ITFG1: variants seen among roughly 807,000 people sequenced by gnomAD.
The protein encoded by ITFG1 is integrin alpha FG-GAP repeat containing 1.
ITFG1 carries 34 observed loss-of-function variants against 81.8 expected under a neutral mutation model. The observed-to-expected ratio is 0.42, with a 90% CI of 0.32 to 0.55. The LOEUF (loss-of-function observed/expected upper bound fraction) is 0.55. ITFG1 is among the 20% of genes least tolerant of loss of function. ITFG1 has a pLI of 0.17. For missense variants in ITFG1, 672 were observed against 755.4 expected (o/e 0.89, Z 1.29); for synonymous variants, 285 against 270.6 (o/e 1.05, Z -0.52).
intron 14 of ITFG1, among the ~76,000 whole-genome samples, chr16:47,215,924 TA>T (rs1435232240): frequency 6.6e-6 from 1 of 152,222 alleles, no homozygotes; most frequent in Non-Finnish European, 1.5e-5. Flanking sequence ...ATTTTTACCT[TA>T]GATATTTTTT....
At chr16:47,387,674 T>C (rs923688083) in intron 6 of ITFG1, among the ~76,000 whole-genome samples, 1 of 152,202 alleles carries the variant, frequency 6.6e-6, no homozygotes, top group African/African-American at 2.4e-5. Flanking sequence ...AAAGCCTCTT[T>C]ATGTGATTGA....
intron 6 of ITFG1, among the ~76,000 whole-genome samples, chr16:47,427,758 T>C (rs1399156458): frequency 6.6e-6 from 1 of 152,228 alleles, no homozygotes; most frequent in African/African-American, 2.4e-5. Flanking sequence ...GCATGAACCT[T>C]GTTTAACTTC....
At chr16:47,228,533 T>C (rs1443145442) in intron 13 of ITFG1, among the ~76,000 whole-genome samples, 2 of 152,156 alleles carry the variant, frequency 1.3e-5, no homozygotes, top group African/African-American at 4.8e-5. Context: ...ATGTAAAACA[T>C]TTTTATTCTG....
chr16:47,420,641 T>C (rs1968934405), intron 6 of ITFG1, among the ~76,000 whole-genome samples: 1 of 152,212 alleles, frequency 6.6e-6, no homozygotes, highest in Non-Finnish European at 1.5e-5. Flanking sequence ...GATCCTGCTG[T>C]TAAAAAGAGA....
chr16:47,460,477 C>A lies in ITFG1; in HGVS notation c.208+361G>T, dbSNP rs534421195. ...GAAAGGAATGAGTGGGCCTTGGGAG[C>A]GAACGTTGAGGCAAGCTACAAAGAT... On this transcript the variant is annotated intron_variant, in intron 1 of 17. Coordinates refer to ENST00000320640, the MANE Select transcript of ITFG1 (RefSeq NM_030790.5). 5.3e-5 allele frequency among the ~76,000 whole-genome samples: 8 copies of A among 152,140 alleles called. No homozygotes were observed. In the South Asian group the frequency reaches 1.2e-3, roughly 24 times the overall value.
At chr16:47,208,788 T>C (rs1965531016) in intron 14 of ITFG1, among the ~76,000 whole-genome samples, 2 of 152,182 alleles carry the variant, frequency 1.3e-5, no homozygotes, top group Non-Finnish European at 1.5e-5. Context: ...ACTTCTCTGT[T>C]TGTTATTAGG....
chr16:47,296,511 C>T (rs901027493), intron 10 of ITFG1, among the ~76,000 whole-genome samples: 3 of 152,148 alleles, frequency 2.0e-5, no homozygotes, highest in African/African-American at 7.2e-5. Flanking sequence ...TCTCGGCTCA[C>T]TGAAACTTCC....
At chr16:47,384,185 T>C (rs896528606) in intron 6 of ITFG1, among the ~76,000 whole-genome samples, 1 of 152,216 alleles carries the variant, frequency 6.6e-6, no homozygotes, top group Non-Finnish European at 1.5e-5. Flanking sequence ...CCAAGAGTTA[T>C]GAGAAGTTGC....
At chr16:47,326,620 G>A (rs1967548398) in intron 8 of ITFG1, among the ~76,000 whole-genome samples, 1 of 152,162 alleles carries the variant, frequency 6.6e-6, no homozygotes, top group African/African-American at 2.4e-5. Context: ...AGCAACTTCA[G>A]CAAAGTCTCA....
intron 10 of ITFG1, among the ~76,000 whole-genome samples, chr16:47,273,140 A>G (rs1431429776): frequency 6.6e-6 from 1 of 151,668 alleles, no homozygotes. Flanking sequence ...AGTCATTTCT[A>G]TATTCAGTGA....
chr16:47,366,666 G>T (rs188573780), intron 7 of ITFG1, among the ~76,000 whole-genome samples: 23 of 152,216 alleles, frequency 1.5e-4, no homozygotes, highest in Admixed American at 1.2e-3. Flanking sequence ...GAGCTCTCAG[G>T]TTTGTACAGA....
Position 47,452,729 on chromosome 16 carries a change from T to G in ITFG1, c.485+4A>C, listed in dbSNP as rs757404978. On this transcript the variant is annotated splice_donor_region_variant and intron_variant, in intron 4 of 17. Coordinates refer to ENST00000320640, the MANE Select transcript of ITFG1 (RefSeq NM_030790.5). The stretch of plus-strand genomic sequence containing the variant: ...CGTTTCAAAGGAAGCAAGCCCATAC[T>G]TACTCCATAATTAGTGGCTCATCTT... 1 of 1,578,530 alleles carries G rather than the reference T, an allele frequency of 6.3e-7. No homozygotes were observed. Among genetic ancestry groups the G allele is most frequent in the Non-Finnish European group, 8.6e-7 (1 of 1,156,584 alleles).
At chr16:47,317,948 T>C (rs1175134742) in intron 8 of ITFG1, 1 of 152,136 alleles carries the variant, frequency 6.6e-6, no homozygotes, top group African/African-American at 2.4e-5. Flanking sequence ...ATAAAACACA[T>C]ACCACTACAT....
chr16:47,457,881 C>T (rs148002699), intron 2 of ITFG1, among the ~76,000 whole-genome samples: 293 of 152,276 alleles, frequency 1.9e-3, no homozygotes, highest in African/African-American at 6.6e-3. Flanking sequence ...ACATTCACTA[C>T]CCAAAAACAC....
At chr16:47,427,344 C>G (rs1376851518) in intron 6 of ITFG1, among the ~76,000 whole-genome samples, 1 of 152,120 alleles carries the variant, frequency 6.6e-6, no homozygotes, top group Non-Finnish European at 1.5e-5. Context: ...TATTCCCACT[C>G]CCACCACCCA....
At chr16:47,182,535 G>T (rs1448624141) in intron 14 of ITFG1, among the ~76,000 whole-genome samples, 1 of 152,140 alleles carries the variant, frequency 6.6e-6, no homozygotes. Flanking sequence ...TAAACATTTA[G>T]TGAATGTACA....
At chr16:47,218,489 GA>G (rs1227202181) in intron 14 of ITFG1, 1 of 152,204 alleles carries the variant, frequency 6.6e-6, no homozygotes, top group Non-Finnish European at 1.5e-5. Context: ...AAAAAACTAG[GA>G]GTAGTTTATA....
At chr16:47,236,826 C>G (rs1405845210) in intron 13 of ITFG1, among the ~76,000 whole-genome samples, 1 of 152,146 alleles carries the variant, frequency 6.6e-6, no homozygotes, top group Non-Finnish European at 1.5e-5. Flanking sequence ...TCATCCAGAT[C>G]TTCTCTTCAG....
intron 14 of ITFG1, among the ~76,000 whole-genome samples, chr16:47,216,716 C>T (rs567579361): frequency 1.3e-5 from 2 of 151,740 alleles, no homozygotes; most frequent in Non-Finnish European, 2.9e-5. Context: ...GGTTGGAGTG[C>T]AGTGGTGTGA....
Sources: gnomAD v4.1 joint callset for allele counts (sites outside exome capture counted in the v4.1 genomes callset) on GRCh38, gnomAD v4.1.1 for gene constraint, MANE v1.5 for transcripts, NCBI Gene and HGNC (gene_info 2026-07-23, HGNC 2026-07-21) for gene names.